The following SLC9C2 variants were observed in gnomAD, a reference collection of about 807,000 sequenced individuals.
The protein encoded by SLC9C2 is solute carrier family 9 member C2 (putative).
Under a neutral mutation model 140.2 loss-of-function variants are expected in SLC9C2, and 75 were observed. That is an observed-to-expected ratio of 0.53 (90% CI 0.44 to 0.65). The LOEUF (loss-of-function observed/expected upper bound fraction) is 0.65, where lower values mean the gene tolerates loss of function less well. SLC9C2 is among the 30% of genes least tolerant of loss of function. The probability of loss-of-function intolerance (pLI) is 0.00; values close to 1 mark genes in which losing one functional copy is unlikely to be tolerated. For synonymous variants in SLC9C2, 375 were observed against 420.9 expected, an observed-to-expected ratio of 0.89 and a Z score of 1.34; for missense variants, 1,074 against 1,331.8, an observed-to-expected ratio of 0.81 and a Z score of 3.01.
At chr1:173,561,936 A>T (rs1352188764) in intron 9 of SLC9C2, among the ~76,000 whole-genome samples, 1 of 152,040 alleles carries the variant, frequency 6.6e-6, no homozygotes, top group African/African-American at 2.4e-5. Context: ...GGAAGTCACT[A>T]GATTGGAATG....
At chr1:173,569,436 G>T (rs1236190251) in intron 9 of SLC9C2, among the ~76,000 whole-genome samples, 1 of 151,680 alleles carries the variant, frequency 6.6e-6, no homozygotes, top group Non-Finnish European at 1.5e-5. Flanking sequence ...GCCTTCTTTG[G>T]GTTAAATCTG....
At chr1:173,530,131 A>G in intron 17 of SLC9C2, 77 bp from the exon 18 acceptor site, 1 of 1,340,496 alleles carries the variant, frequency 7.5e-7, no homozygotes, top group Non-Finnish European at 1.0e-6. Flanking sequence ...AAATTCATAA[A>G]GTGTCATCTC....
In SLC9C2 at chr1:173,533,717, A is replaced by G. The variant is rs770529812; in HGVS notation, c.2055T>C (p.Asp685=). The change falls in exon 17 of 28, where the codon GAT becomes GAC. Residue 685 remains aspartate, a synonymous_variant. Transcript: ENST00000367714. ...EFFILVIGII[D]IFCVYFVKLR... ...ATTTCACAAAGTATACACAAAAGAT[A>G]TCAATGATTCCAATAACCAGGATAA... 6 of 1,610,646 alleles carry G rather than the reference A, an allele frequency of 3.7e-6. No individual in the cohort carries two copies. The highest frequency in any genetic ancestry group is 4.2e-6 in the Non-Finnish European group (5 of 1,177,188).
chr1:173,588,151 T>C lies in SLC9C2; in HGVS notation c.358-321A>G, dbSNP rs201886460. ...CTATATAAAACATATCCTGATTAGT[T>C]TGGAAAGTAAATTGTTAGTGACGTA... On this transcript the variant is annotated intron_variant, in intron 4 of 27. Coordinates refer to ENST00000367714, the MANE Select transcript of SLC9C2 (RefSeq NM_178527.4). Among the ~76,000 whole-genome samples, 10 of 152,162 alleles carry C rather than the reference T, an allele frequency of 6.6e-5. No homozygotes were observed. In the East Asian group the frequency reaches 1.7e-3, roughly 26 times the overall value.
intron 17 of SLC9C2, among the ~76,000 whole-genome samples, chr1:173,532,664 G>C (rs1237818237): frequency 6.6e-6 from 1 of 152,110 alleles, no homozygotes; most frequent in Non-Finnish European, 1.5e-5. Flanking sequence ...GCTTCTACTG[G>C]CACCAAGATT....
At chr1:173,503,890 T>C (rs1179986160) in intron 26 of SLC9C2, among the ~76,000 whole-genome samples, 1 of 152,188 alleles carries the variant, frequency 6.6e-6, no homozygotes, top group African/African-American at 2.4e-5. Context: ...GTGATGTGTT[T>C]CCCTCTATCT....
At chr1:173,554,661 C>T (rs951745993) in intron 11 of SLC9C2, 72 bp downstream of exon 11, 39 of 925,260 alleles carry the variant, frequency 4.2e-5, no homozygotes, top group Non-Finnish European at 6.8e-5. Context: ...GAGAAATGTC[C>T]CCATGACACC....
intron 11 of SLC9C2, among the ~76,000 whole-genome samples, chr1:173,550,130 A>G (rs1474230935): frequency 1.3e-5 from 2 of 152,222 alleles, no homozygotes; most frequent in East Asian, 1.9e-4. Context: ...GACCAGGTAC[A>G]GTGGCTCACA....
chr1:173,500,493 A>G lies in SLC9C2; in HGVS notation c.*601T>C, dbSNP rs1659195992. The stretch of plus-strand genomic sequence containing the variant: ...CAACCATAAAACTCAACTTTATTTG[A>G]TTTTTAAAAATAAAATGAAAGGTGA... On this transcript the variant is annotated 3_prime_UTR_variant, in exon 28 of 28. Transcript: ENST00000367714. The G allele has an allele frequency of 1.3e-5, 2 of 152,212 alleles. No homozygotes were observed. Among genetic ancestry groups the G allele is most frequent in the Non-Finnish European group, 2.9e-5 (2 of 68,038 alleles). 9.4% of individuals were successfully genotyped at this position (152,212 alleles called of 1,614,324 possible). A position where few individuals can be genotyped will look rare whatever the true frequency, so the allele number is the denominator to read the frequency against.
rs182494555 is a variant in SLC9C2, at chr1:173,505,413, T to C, written c.3226-82A>G. The C allele has an allele frequency of 3.0e-5, 33 of 1,090,270 alleles. No homozygotes were observed. In the Admixed American group the frequency reaches 5.9e-4, roughly 20 times the overall value. The allele number at this position is 1,090,270 out of a possible 1,614,324, so 67.5% of individuals were successfully genotyped here. ...TGCTTCCTAATCTTTCCAAAGAGTA[T>C]AAAAAATAAGCCAAAGCCTAAAGCT... On this transcript the variant is annotated intron_variant, in intron 25 of 27. Transcript: ENST00000367714.
Position 173,534,528 on chromosome 1 carries a change from T to A in SLC9C2, c.1930A>T (p.Asn644Tyr), listed in dbSNP as rs918165547. ...GLNVSALISI[N>Y]YYFMFLYVLE... ...ACATATAAAAACATAAAATAGTAGTTTATTGATATCAGTGCTGATACATTT... is the reference window on the plus strand; with the variant it reads ...ACATATAAAAACATAAAATAGTAGTATATTGATATCAGTGCTGATACATTT... The change falls in exon 16 of 28, where the codon AAC becomes TAC. Residue 644 changes from asparagine to tyrosine, a missense_variant. Asn to Tyr is a moderately radical substitution (Grantham distance 143). Coordinates refer to ENST00000367714, the MANE Select transcript of SLC9C2 (RefSeq NM_178527.4). 1.9e-6 allele frequency: 3 copies of A among 1,590,768 alleles called. No individual in the cohort carries two copies. The highest frequency in any genetic ancestry group is 2.6e-6 in the Non-Finnish European group (3 of 1,171,758).
At chr1:173,509,775 T>A in intron 23 of SLC9C2, 76 bp from the exon 24 acceptor site, 1 of 1,447,438 alleles carries the variant, frequency 6.9e-7, no homozygotes, top group Non-Finnish European at 9.3e-7. Context: ...ACAAGATGCC[T>A]GCAGATTTAA....
At chr1:173,543,804 G>A (rs192370883) in intron 13 of SLC9C2, among the ~76,000 whole-genome samples, 7 of 152,272 alleles carry the variant, frequency 4.6e-5, no homozygotes, top group Admixed American at 1.3e-4. Context: ...CTAGCCATAC[G>A]TAGAAAGCTG....
At chr1:173,534,884 A>G (rs1013698892) in intron 15 of SLC9C2, among the ~76,000 whole-genome samples, 13 of 152,030 alleles carry the variant, frequency 8.6e-5, no homozygotes, top group Non-Finnish European at 1.9e-4. Context: ...TTAAAAATCC[A>G]TATCAGGGAT....
chr1:173,578,826 C>A (rs534748963), intron 7 of SLC9C2, among the ~76,000 whole-genome samples: 21 of 152,320 alleles, frequency 1.4e-4, no homozygotes, highest in African/African-American at 4.8e-4. Flanking sequence ...TATAAGGATA[C>A]AGTCATACTG....
intron 7 of SLC9C2, among the ~76,000 whole-genome samples, chr1:173,580,689 T>A (rs1665477871): frequency 6.6e-6 from 1 of 152,150 alleles, no homozygotes; most frequent in African/African-American, 2.4e-5. Flanking sequence ...AAGTGAACCG[T>A]AGAGAGGTTA....
At chr1:173,581,682 T>G (rs1175571361) in intron 7 of SLC9C2, among the ~76,000 whole-genome samples, 165 bp downstream of exon 7, 1 of 149,836 alleles carries the variant, frequency 6.7e-6, no homozygotes. Flanking sequence ...AAAAAGGATA[T>G]TAAGAAAGAC....
intron 9 of SLC9C2, among the ~76,000 whole-genome samples, chr1:173,570,836 C>T (rs1186987531): frequency 6.6e-6 from 1 of 152,022 alleles, no homozygotes; most frequent in African/African-American, 2.4e-5. Context: ...CAAATTCCCC[C>T]AGTTGCTGTG....
At chr1:173,510,584 T>C (rs998682396) in intron 23 of SLC9C2, among the ~76,000 whole-genome samples, 2 of 152,094 alleles carry the variant, frequency 1.3e-5, no homozygotes, top group Admixed American at 1.3e-4. Flanking sequence ...GAACATGCAG[T>C]GTTTGGTTTT....
Sources: allele counts gnomAD v4.1 joint callset (sites outside exome capture counted in the v4.1 genomes callset), GRCh38; gene constraint gnomAD v4.1.1; transcripts MANE v1.5; gene names NCBI Gene and HGNC (gene_info 2026-07-23, HGNC 2026-07-21).